ESRRG: variants seen among roughly 807,000 people sequenced by gnomAD.
ESRRG encodes the protein estrogen related receptor gamma.
In ESRRG, 13 loss-of-function variants were observed where a neutral mutation model predicts 44.0. The observed-to-expected ratio is 0.30, with a 90% CI of 0.19 to 0.47. The LOEUF is 0.47. Ranked by LOEUF, ESRRG falls within the 20% of genes least tolerant of loss-of-function variation. The probability of loss-of-function intolerance (pLI) is 1.00; values close to 1 mark genes in which losing one functional copy is unlikely to be tolerated. For synonymous variants in ESRRG, 215 were observed against 214.6 expected (o/e 1.00, Z -0.02); for missense variants, 395 against 580.6 (o/e 0.68, Z 3.29).
intron 3 of ESRRG, among the ~76,000 whole-genome samples, chr1:216,599,753 G>T (rs2150125767): frequency 6.6e-6 from 1 of 152,020 alleles, no homozygotes; most frequent in Middle Eastern, 3.4e-3. Context: ...CATGAAGAGT[G>T]CGTGATAGTA....
At chr1:217,027,115 T>C (rs778478974) in intron 1 of ESRRG, among the ~76,000 whole-genome samples, 1 of 152,124 alleles carries the variant, frequency 6.6e-6, no homozygotes. Context: ...CGATTTTGTT[T>C]TAAATCTCTC....
chr1:216,961,820 G>A (rs1315614499), intron 1 of ESRRG, among the ~76,000 whole-genome samples: 1 of 152,014 alleles, frequency 6.6e-6, no homozygotes, highest in Non-Finnish European at 1.5e-5. Flanking sequence ...GAACGAGAAG[G>A]TCATTGACAC....
Position 216,542,218 on chromosome 1 carries a change from A to AT in ESRRG, c.862+22000dup, listed in dbSNP as rs202046842. ...TAATGCTCACATCCTGTTGAATTCCATTTTTTTTTCCTCTTTTTTGAACTA... is the reference window on the plus strand; with the variant it reads ...TAATGCTCACATCCTGTTGAATTCCATTTTTTTTTTCCTCTTTTTTGAACTA... On this transcript the variant is annotated intron_variant, in intron 5 of 6. Coordinates refer to ENST00000408911, the MANE Select transcript of ESRRG (RefSeq NM_001438.4). Among the ~76,000 whole-genome samples, 562 of 149,720 alleles carry AT rather than the reference A, an allele frequency of 3.8e-3. 1 individual carries two copies. The highest frequency in any genetic ancestry group is 0.021 in the Middle Eastern group (6 of 292).
chr1:216,601,559 C>T (rs1051719962), intron 3 of ESRRG, among the ~76,000 whole-genome samples: 2 of 152,164 alleles, frequency 1.3e-5, no homozygotes, highest in African/African-American at 4.8e-5. Context: ...AGGGGGTGCC[C>T]TTAATCAGGG....
chr1:216,677,305 C>A lies in ESRRG; in HGVS notation c.243G>T (p.Ser81=). ...TMNGHQNGLD[S]PPLYPSAPIL... ...TAGGAGCAGAAGGGTAGAGAGGTGG[C>A]GAGTCAAGTCCGTTCTGATGGCCAT... is the stretch of plus-strand genomic sequence containing the variant. Residue 81 remains serine, a synonymous_variant, in exon 2 of 7, where the codon TCG becomes TCT. Transcript: ENST00000408911. 6.2e-7 allele frequency: 1 copy of A among 1,614,072 alleles called. No individual in the cohort carries two copies. The highest frequency in any genetic ancestry group is 8.5e-7 in the Non-Finnish European group (1 of 1,180,012).
intron 2 of ESRRG, chr1:216,855,159 T>C (rs1399750191): frequency 1.3e-5 from 2 of 152,258 alleles, no homozygotes; most frequent in African/African-American, 4.8e-5. Context: ...TTTTTCAAAA[T>C]CATTTAGGAC....
At chr1:216,735,987 A>AAAAAAAATAT (rs1453476198) in intron 2 of ESRRG, among the ~76,000 whole-genome samples, 205 of 137,106 alleles carry the variant, frequency 1.5e-3, no homozygotes, top group African/African-American at 1.8e-3. Context: ...CTCAAAAAAA[A>AAAAAAAATAT]ATATATATAT....
At chr1:217,025,959 A>T (rs1027572917) in intron 1 of ESRRG, among the ~76,000 whole-genome samples, 1 of 152,152 alleles carries the variant, frequency 6.6e-6, no homozygotes, top group Non-Finnish European at 1.5e-5. Context: ...GCCTGAGATG[A>T]GAGAAGAAAT....
rs79446506 is a variant in ESRRG, at chr1:216,871,795, T to C, written c.-14+67787A>G. Among the ~76,000 whole-genome samples the C allele has an allele frequency of 5.5e-3, 843 of 152,186 alleles. 6 individuals are homozygous for C. Among genetic ancestry groups the C allele is most frequent in the African/African-American group, 0.019 (797 of 41,574 alleles). On this transcript the variant is annotated intron_variant, in intron 2 of 7. Transcript: ENST00000359162. Reference sequence around the variant, plus strand: ...TTAGATCTGTATACATTGAAAACTCTATCATTCAATGTTAAATGTTTTGCT... The same window carrying C: ...TTAGATCTGTATACATTGAAAACTCCATCATTCAATGTTAAATGTTTTGCT...
At chr1:216,602,896 A>C (rs2150173403) in intron 3 of ESRRG, among the ~76,000 whole-genome samples, 1 of 152,292 alleles carries the variant, frequency 6.6e-6, no homozygotes, top group African/African-American at 2.4e-5. Flanking sequence ...TACATGAAGA[A>C]AACTAAGACA....
intron 1 of ESRRG, among the ~76,000 whole-genome samples, chr1:216,679,633 C>T (rs6692310): frequency 0.22 from 30,387 of 140,730 alleles, 3,492 homozygotes; most frequent in Middle Eastern, 0.28. Context: ...TTTTTTTTTT[C>T]TTTTTTTTTT....
At chr1:216,991,013 G>T (rs1471079450) in intron 1 of ESRRG, among the ~76,000 whole-genome samples, 1 of 152,086 alleles carries the variant, frequency 6.6e-6, no homozygotes, top group Non-Finnish European at 1.5e-5. Context: ...GAGTGACAGG[G>T]AGGCGAGCAC....
intron 5 of ESRRG, among the ~76,000 whole-genome samples, chr1:216,537,319 C>A (rs1168751582): frequency 6.6e-6 from 1 of 151,996 alleles, no homozygotes; most frequent in Non-Finnish European, 1.5e-5. Flanking sequence ...TGTGCCAGCA[C>A]CTTGATCTTG....
chr1:216,996,326 T>C (rs1474285880), intron 1 of ESRRG, among the ~76,000 whole-genome samples: 1 of 151,386 alleles, frequency 6.6e-6, no homozygotes, highest in African/African-American at 2.4e-5. Context: ...GAAGTAGAAA[T>C]GGTAAGTACT....
intron 1 of ESRRG, among the ~76,000 whole-genome samples, chr1:217,052,849 C>T (rs2086295276): frequency 6.6e-6 from 1 of 152,148 alleles, no homozygotes; most frequent in Non-Finnish European, 1.5e-5. Context: ...TTGCATCTTC[C>T]AGCCAGAGTC....
chr1:216,805,615 T>C (rs1359542416), intron 2 of ESRRG, among the ~76,000 whole-genome samples: 1 of 151,850 alleles, frequency 6.6e-6, no homozygotes, highest in Non-Finnish European at 1.5e-5. Context: ...GTCTTGAGAA[T>C]AAACAAAGGT....
chr1:217,047,243 A>G (rs542574004), intron 1 of ESRRG, among the ~76,000 whole-genome samples: 44 of 152,196 alleles, frequency 2.9e-4, no homozygotes, highest in Admixed American at 1.9e-3. Context: ...TTTTTGAGCC[A>G]TAAATCTGTA....
chr1:216,667,098 C>A (rs1396019288), intron 2 of ESRRG, among the ~76,000 whole-genome samples: 1 of 152,188 alleles, frequency 6.6e-6, no homozygotes, highest in African/African-American at 2.4e-5. Context: ...GCCAGCTGCA[C>A]CCACAGTCAG....
At chr1:216,851,888 G>C (rs903981123) in intron 2 of ESRRG, among the ~76,000 whole-genome samples, 3 of 152,000 alleles carry the variant, frequency 2.0e-5, no homozygotes, top group Admixed American at 2.0e-4. Context: ...CCCAAGTGGG[G>C]CCACACTGAT....
Sources: gnomAD v4.1 joint callset for allele counts (sites outside exome capture counted in the v4.1 genomes callset) on GRCh38, gnomAD v4.1.1 for gene constraint, MANE v1.5 for transcripts, NCBI Gene and HGNC (gene_info 2026-07-23, HGNC 2026-07-21) for gene names.